The following LMLN variants were observed in gnomAD, a reference collection of about 807,000 sequenced individuals.
LMLN encodes the protein leishmanolysin-like peptidase.
LMLN carries 70 observed loss-of-function variants against 92.3 expected under a neutral mutation model. That is an observed-to-expected ratio of 0.76 (90% confidence interval 0.63 to 0.92). LMLN has a LOEUF of 0.92. Among genes scored for constraint, LMLN ranks in the 40% least tolerant of loss-of-function variants. The pLI is 0.00. For synonymous variants in LMLN, 308 were observed against 296.2 expected (o/e 1.04, Z -0.41); for missense variants, 691 against 814.6 (o/e 0.85, Z 1.85).
intron 11 of LMLN, among the ~76,000 whole-genome samples, chr3:198,002,807 C>T (rs1391724979): frequency 2.0e-5 from 3 of 152,068 alleles, no homozygotes; most frequent in Non-Finnish European, 4.4e-5. Flanking sequence ...TATTTAATAC[C>T]TCCATCATAA....
chr3:198,011,966 A>G (rs1722455262), intron 11 of LMLN, among the ~76,000 whole-genome samples: 1 of 152,250 alleles, frequency 6.6e-6, no homozygotes, highest in Admixed American at 6.5e-5. Context: ...AAATTTTTGC[A>G]ATCTACTCAT....
chr3:198,029,838 T>A (rs1221009349), intron 14 of LMLN, among the ~76,000 whole-genome samples: 1 of 152,052 alleles, frequency 6.6e-6, no homozygotes, highest in Non-Finnish European at 1.5e-5. Context: ...CTTATTTTTT[T>A]TTATTATTAT....
At chr3:197,972,190 G>A (rs1721248824) in intron 1 of LMLN, among the ~76,000 whole-genome samples, 3 of 151,474 alleles carry the variant, frequency 2.0e-5, no homozygotes. Flanking sequence ...TCAGCCTCTG[G>A]AGTGCTGGGA....
chr3:198,038,904 G>A lies in LMLN; in HGVS notation c.*237G>A, dbSNP rs749559608. The A allele has an allele frequency of 4.9e-3, 921 of 189,372 alleles. 1 individual carries two copies. Among genetic ancestry groups the A allele is most frequent in the African/African-American group, 0.024 (101 of 4,200 alleles). The allele number at this position is 189,372 out of a possible 1,614,324, so 11.7% of individuals were successfully genotyped here. A position where few individuals can be genotyped will look rare whatever the true frequency, so the allele number is the denominator to read the frequency against. ...CCTTCATCAGCAACCCAACCACCTC[G>A]TCAGCAACCCAACCACCTCGTCAGC... On this transcript the variant is annotated 3_prime_UTR_variant, in exon 16 of 16. Coordinates refer to ENST00000330198, the Ensembl canonical transcript of LMLN.
intron 11 of LMLN, among the ~76,000 whole-genome samples, chr3:198,016,234 C>G (rs1164578821): frequency 6.6e-6 from 1 of 151,204 alleles, no homozygotes; most frequent in Non-Finnish European, 1.5e-5. Context: ...ATACTATTCT[C>G]ATCTTTTCTC....
chr3:197,977,857 A>G (rs1721440319), intron 5 of LMLN, among the ~76,000 whole-genome samples: 1 of 152,130 alleles, frequency 6.6e-6, no homozygotes, highest in South Asian at 2.1e-4. Context: ...CTGGATACAT[A>G]TAAAAATCAT....
rs35145607 is a variant in LMLN, at chr3:198,032,101, C to CAA, written c.1657-3717_1657-3716dup. Among the ~76,000 whole-genome samples, 77 of 103,704 alleles carry CAA rather than the reference C, an allele frequency of 7.4e-4. 1 individual carries two copies. The highest frequency in any genetic ancestry group is 6.6e-3 in the South Asian group (21 of 3,176). The allele number at this position is 103,704 out of a possible 152,430, so 68.0% of individuals were successfully genotyped here. ...TGGGCGACAGAGTGAGACTCTGACT[C>CAA]AAAAAAAAAAAAAAAAGAAAAGAAA... On this transcript the variant is annotated intron_variant, in intron 14 of 15. Coordinates refer to ENST00000330198, the Ensembl canonical transcript of LMLN.
chr3:197,985,645 G>T, intron 7 of LMLN, 151 bp from the exon 8 acceptor site: 1 of 478,846 alleles, frequency 2.1e-6, no homozygotes. Flanking sequence ...ACACTTAATT[G>T]TTGTTCAATT....
intron 1 of LMLN, among the ~76,000 whole-genome samples, chr3:197,974,134 T>C (rs1259372944): frequency 6.6e-6 from 1 of 152,240 alleles, no homozygotes; most frequent in Non-Finnish European, 1.5e-5. Context: ...AAAAGCTTTT[T>C]GGCAGCTACT....
At chr3:197,976,479 TA>T (rs1483181097) in intron 4 of LMLN, 118 bp from the exon 5 acceptor site, 4 of 579,670 alleles carry the variant, frequency 6.9e-6, no homozygotes, top group Non-Finnish European at 1.2e-5. Context: ...CTTTCCTGAC[TA>T]AAATAGTAAC....
At chr3:197,998,567 A>T (rs1004275665) in intron 10 of LMLN, among the ~76,000 whole-genome samples, 1 of 150,024 alleles carries the variant, frequency 6.7e-6, no homozygotes, top group Non-Finnish European at 1.5e-5. Flanking sequence ...TCCTTGAACT[A>T]TTTTTTTTTT....
intron 11 of LMLN, among the ~76,000 whole-genome samples, chr3:198,002,811 A>T (rs938546515): frequency 6.6e-6 from 1 of 152,224 alleles, no homozygotes; most frequent in Admixed American, 6.5e-5. Flanking sequence ...TAATACCTCC[A>T]TCATAAGCCT....
intron 2 of LMLN, 75 bp downstream of exon 2, chr3:197,974,549 A>C: frequency 1.3e-6 from 1 of 754,718 alleles, no homozygotes; most frequent in South Asian, 2.2e-5. Context: ...TGTTACCTGA[A>C]GTTCTAAGAA....
rs531308315 is a variant in LMLN at position 198,026,973 on chromosome 3, C to T, written c.1656+2185C>T. Among the ~76,000 whole-genome samples the T allele has an allele frequency of 7.2e-5, 11 of 152,268 alleles. No individual in the cohort carries two copies. In the East Asian group the frequency reaches 1.9e-3, roughly 27 times the overall value. On this transcript the variant is annotated intron_variant, in intron 14 of 15. Coordinates refer to ENST00000330198, the Ensembl canonical transcript of LMLN. ...AAATGTATGTATATGTATCAGTACA[C>T]TCTCCTGTGAGTGCGTGTGTGTGTG...
exon 16 of LMLN, chr3:198,043,664 A>T (rs1560162861): frequency 6.6e-6 from 1 of 152,620 alleles, no homozygotes; most frequent in African/African-American, 2.4e-5. Context: ...ATGGTATTGA[A>T]CTTTAAGTGT....
At chr3:197,991,227 C>T (rs939152357) in intron 9 of LMLN, among the ~76,000 whole-genome samples, 3 of 151,564 alleles carry the variant, frequency 2.0e-5, no homozygotes, top group Non-Finnish European at 4.4e-5. Flanking sequence ...CTTCTGCCTC[C>T]CGAGTGGCTG....
At chr3:198,002,421 C>T (rs944316899) in intron 11 of LMLN, among the ~76,000 whole-genome samples, 4 of 152,202 alleles carry the variant, frequency 2.6e-5, no homozygotes, top group Middle Eastern at 3.2e-3. Flanking sequence ...TGAGTCACTG[C>T]GCCCAGCTAG....
At chr3:197,987,833 G>A (rs1377391222) in intron 8 of LMLN, among the ~76,000 whole-genome samples, 1 of 151,978 alleles carries the variant, frequency 6.6e-6, no homozygotes, top group Non-Finnish European at 1.5e-5. Flanking sequence ...TATCAGTATC[G>A]GATATTATAG....
At chr3:197,991,862 AC>A (rs1721880822) in intron 9 of LMLN, among the ~76,000 whole-genome samples, 1 of 126,224 alleles carries the variant, frequency 7.9e-6, no homozygotes, top group African/African-American at 3.5e-5. Flanking sequence ...CTACTGAGCA[AC>A]TTTTTTTTTT....
Sources: gnomAD v4.1 joint callset for allele counts (sites outside exome capture counted in the v4.1 genomes callset) on GRCh38, gnomAD v4.1.1 for gene constraint, MANE v1.5 for transcripts, NCBI Gene and HGNC (gene_info 2026-07-23, HGNC 2026-07-21) for gene names.